The following EXOC6B variants were observed in gnomAD, a reference collection of about 807,000 sequenced individuals.
EXOC6B encodes the protein exocyst complex component 6B.
In EXOC6B, 54 loss-of-function variants were observed where a neutral mutation model predicts 113.5. The observed-to-expected ratio is 0.48, with a 90% CI of 0.38 to 0.60. The LOEUF (loss-of-function observed/expected upper bound fraction) is 0.60. Ranked by LOEUF, EXOC6B falls within the 20% of genes least tolerant of loss-of-function variation. The pLI is 0.00. For synonymous variants in EXOC6B, 357 were observed against 339.0 expected (o/e 1.05, Z -0.58); for missense variants, 797 against 977.5 (o/e 0.82, Z 2.46).
chr2:72,201,296 T>C (rs970235077), intron 20 of EXOC6B, among the ~76,000 whole-genome samples: 10 of 152,182 alleles, frequency 6.6e-5, no homozygotes, highest in Non-Finnish European at 1.5e-4. Flanking sequence ...AATTTTTTCA[T>C]GATGGAAATT....
At chr2:72,477,917 ATTTT>A (rs1000377347) in intron 17 of EXOC6B, among the ~76,000 whole-genome samples, 3 of 151,730 alleles carry the variant, frequency 2.0e-5, no homozygotes, top group African/African-American at 7.3e-5. Context: ...ATTACATTAG[ATTTT>A]TTTGTTTGTT....
chr2:72,641,808 G>C (rs1311854092), intron 6 of EXOC6B, among the ~76,000 whole-genome samples: 1 of 152,202 alleles, frequency 6.6e-6, no homozygotes, highest in African/African-American at 2.4e-5. Context: ...ACACCTCCCA[G>C]TAGCGGCCGA....
chr2:72,699,572 G>A lies in EXOC6B; in HGVS notation c.669+18531C>T, dbSNP rs906402669. 3.5e-4 allele frequency among the ~76,000 whole-genome samples: 53 copies of A among 152,008 alleles called. 1 individual carries two copies. The highest frequency in any genetic ancestry group is 1.2e-3 in the African/African-American group (51 of 41,392). Reference sequence around the variant, plus strand: ...GGAAGCTGGGAGAGCCATATGTTTAGTAGACTAAGAAAAGCTGAAGACACT... The same window carrying A: ...GGAAGCTGGGAGAGCCATATGTTTAATAGACTAAGAAAAGCTGAAGACACT... On this transcript the variant is annotated intron_variant, in intron 6 of 21. Transcript: ENST00000272427.
chr2:72,274,209 C>T (rs918761735), intron 20 of EXOC6B, among the ~76,000 whole-genome samples: 2 of 152,180 alleles, frequency 1.3e-5, no homozygotes, highest in African/African-American at 2.4e-5. Flanking sequence ...AGGTCCTACA[C>T]ATTTAGACAA....
At chr2:72,389,387 A>G (rs745355090) in intron 18 of EXOC6B, among the ~76,000 whole-genome samples, 33 of 152,000 alleles carry the variant, frequency 2.2e-4, no homozygotes, top group Non-Finnish European at 4.0e-4. Context: ...TATGTTATCA[A>G]TATATACATT....
chr2:72,246,157 G>C (rs1025412047), intron 20 of EXOC6B, among the ~76,000 whole-genome samples: 16 of 152,088 alleles, frequency 1.1e-4, no homozygotes, highest in African/African-American at 2.9e-4. Context: ...CCAAAGTGTT[G>C]AGATTACAGG....
chr2:72,465,828 C>A (rs1464461339), intron 17 of EXOC6B, among the ~76,000 whole-genome samples: 1 of 152,154 alleles, frequency 6.6e-6, no homozygotes, highest in East Asian at 1.9e-4. Context: ...CTGTTAAATA[C>A]TCTCTATTTA....
chr2:72,184,214 G>A, intron 20 of EXOC6B, 27 bp from the exon 21 acceptor site: 1 of 1,282,290 alleles, frequency 7.8e-7, no homozygotes, highest in Non-Finnish European at 1.1e-6. Context: ...CCCCACCCCA[G>A]GGATTAGTCA....
chr2:72,476,732 T>C (rs1698769977), intron 17 of EXOC6B, among the ~76,000 whole-genome samples: 2 of 152,192 alleles, frequency 1.3e-5, no homozygotes, highest in Admixed American at 1.3e-4. Context: ...ACTTGAAGTC[T>C]TTCAAAGACT....
At chr2:72,564,199 T>G (rs1476848588) in intron 7 of EXOC6B, among the ~76,000 whole-genome samples, 1 of 152,136 alleles carries the variant, frequency 6.6e-6, no homozygotes, top group Admixed American at 6.5e-5. Context: ...CACATTAAAA[T>G]AGAAATGCAT....
At chr2:72,409,027 A>G (rs1342004891) in intron 18 of EXOC6B, among the ~76,000 whole-genome samples, 1 of 152,202 alleles carries the variant, frequency 6.6e-6, no homozygotes, top group Non-Finnish European at 1.5e-5. Context: ...CAAGAAAAAA[A>G]CAAACAACCC....
At chr2:72,462,711 G>T (rs1697776112) in intron 18 of EXOC6B, 1 of 151,998 alleles carries the variant, frequency 6.6e-6, no homozygotes, top group Non-Finnish European at 1.5e-5. Context: ...AATTTCTGTT[G>T]TTTATAAATT....
At chr2:72,715,126 C>T (rs941864182) in intron 6 of EXOC6B, among the ~76,000 whole-genome samples, 1 of 151,960 alleles carries the variant, frequency 6.6e-6, no homozygotes, top group African/African-American at 2.4e-5. Flanking sequence ...ACTAGGGAGG[C>T]TGAGGCAGGA....
At chr2:72,200,189 AC>A (rs1448746496) in intron 20 of EXOC6B, among the ~76,000 whole-genome samples, 1 of 152,088 alleles carries the variant, frequency 6.6e-6, no homozygotes, top group Admixed American at 6.6e-5. Context: ...GAGCCACTGC[AC>A]CCGGCTTGAG....
intron 6 of EXOC6B, among the ~76,000 whole-genome samples, chr2:72,706,376 C>T (rs888421466): frequency 4.6e-5 from 7 of 152,070 alleles, no homozygotes; most frequent in Admixed American, 1.3e-4. Flanking sequence ...GGTTAACTTG[C>T]CTTCTTTTTT....
At chr2:72,357,515 A>C (rs1244812474) in intron 19 of EXOC6B, among the ~76,000 whole-genome samples, 2 of 151,968 alleles carry the variant, frequency 1.3e-5, no homozygotes, top group African/African-American at 4.8e-5. Flanking sequence ...ACATGGTGAA[A>C]CCTTGTCTCT....
intron 12 of EXOC6B, 31 bp from the exon 13 acceptor site, chr2:72,498,582 T>C: frequency 6.7e-7 from 1 of 1,485,314 alleles, no homozygotes; most frequent in East Asian, 2.3e-5. Context: ...CACTTCAGTG[T>C]CTAAGGAAGG....
At chr2:72,573,092 G>T (rs1704614355) in intron 7 of EXOC6B, among the ~76,000 whole-genome samples, 1 of 152,112 alleles carries the variant, frequency 6.6e-6, no homozygotes. Flanking sequence ...GGCAAAGAAG[G>T]AGCATGGCAC....
At chr2:72,468,768 C>G (rs1323932801) in intron 17 of EXOC6B, among the ~76,000 whole-genome samples, 1 of 152,174 alleles carries the variant, frequency 6.6e-6, no homozygotes, top group Admixed American at 6.5e-5. Context: ...TTTCAATCCA[C>G]AAACTAGGAT....
Sources: gnomAD v4.1 joint callset for allele counts (sites outside exome capture counted in the v4.1 genomes callset) on GRCh38, gnomAD v4.1.1 for gene constraint, MANE v1.5 for transcripts, NCBI Gene and HGNC (gene_info 2026-07-23, HGNC 2026-07-21) for gene names.